The following ACOXL variants were observed in gnomAD, a reference collection of about 807,000 sequenced individuals.
ACOXL encodes acyl-coenzyme A oxidase-like protein.
In ACOXL, 70 loss-of-function variants were observed where a neutral mutation model predicts 71.9. The ratio of observed to expected loss-of-function variants is 0.97; its 90% confidence interval spans 0.80 to 1.19. ACOXL has a LOEUF of 1.19. Ranked by LOEUF, ACOXL falls within the 50% of genes most tolerant of loss-of-function variation. The pLI, the probability that ACOXL is intolerant of heterozygous loss-of-function variation, is 0.00. For synonymous variants in ACOXL, 253 were observed against 281.6 expected (o/e 0.90, Z 1.02); for missense variants, 703 against 736.3 (o/e 0.95, Z 0.52).
rs76128171 is a variant in ACOXL, at chr2:111,097,596, T to C, written c.1542+4630T>C. 2.1e-3 allele frequency among the ~76,000 whole-genome samples: 325 copies of C among 152,308 alleles called. 5 individuals carry two copies. The East Asian group carries it at 0.051, about 24-fold the overall frequency. On this transcript the variant is annotated intron_variant, in intron 17 of 17. Transcript: ENST00000439055. ...CACAAGATGAGCCTGGAGCATGTTC[T>C]GGTGTCAGAAAGTAAGAAAGTCCTT...
At chr2:110,943,035 G>GGAA (rs2060933337) in intron 12 of ACOXL, among the ~76,000 whole-genome samples, 5 of 108,984 alleles carry the variant, frequency 4.6e-5, no homozygotes, top group South Asian at 6.9e-4. Flanking sequence ...GAAGAAGGAA[G>GGAA]GAAAGAAGGA....
intron 9 of ACOXL, among the ~76,000 whole-genome samples, chr2:110,817,952 CTT>C (rs1193171202): frequency 9.5e-5 from 11 of 115,710 alleles, no homozygotes; most frequent in Admixed American, 1.8e-4. Flanking sequence ...ATGCTCCTGA[CTT>C]TTTTTTTTTT....
chr2:111,091,539 G>A (rs1430223708), intron 16 of ACOXL, among the ~76,000 whole-genome samples: 4 of 152,074 alleles, frequency 2.6e-5, no homozygotes, highest in African/African-American at 7.3e-5. Context: ...TCATGATTTG[G>A]CTTAACCACA....
chr2:111,074,552 T>G (rs900819816), intron 16 of ACOXL, among the ~76,000 whole-genome samples: 1 of 151,020 alleles, frequency 6.6e-6, no homozygotes, highest in Admixed American at 6.6e-5. Context: ...ATGATTATGG[T>G]TTTTTTTTCT....
intron 14 of ACOXL, among the ~76,000 whole-genome samples, chr2:111,011,363 T>C (rs2064146521): frequency 6.6e-6 from 1 of 152,126 alleles, no homozygotes; most frequent in African/African-American, 2.4e-5. Context: ...GGACTACAAA[T>C]AGCAGTATGA....
chr2:111,116,367 A>C (rs2070353952), intron 17 of ACOXL, among the ~76,000 whole-genome samples: 1 of 152,234 alleles, frequency 6.6e-6, no homozygotes, highest in African/African-American at 2.4e-5. Flanking sequence ...GTAATAGAGC[A>C]CATTTTCAGG....
intron 16 of ACOXL, among the ~76,000 whole-genome samples, chr2:111,060,741 C>T (rs2066773777): frequency 6.6e-6 from 1 of 152,072 alleles, no homozygotes; most frequent in African/African-American, 2.4e-5. Flanking sequence ...TATAAAAATG[C>T]TTCAATGAGT....
chr2:110,818,449 GTGTA>G (rs1162761469), intron 9 of ACOXL, among the ~76,000 whole-genome samples: 99 of 144,956 alleles, frequency 6.8e-4, no homozygotes, highest in African/African-American at 1.8e-3. Flanking sequence ...GTGTGTGTGT[GTGTA>G]TATATATATA....
intron 1 of ACOXL, among the ~76,000 whole-genome samples, chr2:110,756,785 A>G (rs910806814): frequency 2.0e-5 from 3 of 152,040 alleles, no homozygotes; most frequent in East Asian, 1.9e-4. Context: ...TCAATATTCT[A>G]TTTTATTCTA....
chr2:110,794,300 C>A, intron 5 of ACOXL, 126 bp downstream of exon 5: 1 of 847,482 alleles, frequency 1.2e-6, no homozygotes. Context: ...AGCTGAGATT[C>A]AGATCAAATG....
At chr2:111,007,814 G>C (rs767541216) in intron 14 of ACOXL, among the ~76,000 whole-genome samples, 20 of 152,210 alleles carry the variant, frequency 1.3e-4, no homozygotes, top group Non-Finnish European at 2.2e-4. Flanking sequence ...TTTGCACACA[G>C]ATCTGTATGC....
intron 14 of ACOXL, among the ~76,000 whole-genome samples, chr2:111,028,780 G>A (rs1011489222): frequency 8.5e-5 from 13 of 152,162 alleles, no homozygotes; most frequent in African/African-American, 2.9e-4. Flanking sequence ...GCTTTATCAG[G>A]AAATAGTCAT....
intron 2 of ACOXL, among the ~76,000 whole-genome samples, chr2:110,782,884 T>G (rs1683514377): frequency 6.6e-6 from 1 of 152,048 alleles, no homozygotes; most frequent in Admixed American, 6.6e-5. Flanking sequence ...CCAGAGAGGG[T>G]GACTCTCAGG....
intron 10 of ACOXL, among the ~76,000 whole-genome samples, chr2:110,900,086 T>TACACACACACACACAC (rs60758688): frequency 4.9e-5 from 7 of 143,226 alleles, no homozygotes; most frequent in Admixed American, 6.9e-5. Context: ...CACACACACA[T>TACACACACACACACAC]ACACACACAC....
intron 12 of ACOXL, among the ~76,000 whole-genome samples, chr2:110,944,864 T>C (rs2061038258): frequency 6.6e-6 from 1 of 152,238 alleles, no homozygotes; most frequent in South Asian, 2.1e-4. Flanking sequence ...ATATAACCAA[T>C]AATGAGATTT....
chr2:111,032,300 G>T (rs2065314591), intron 15 of ACOXL, among the ~76,000 whole-genome samples: 1 of 152,210 alleles, frequency 6.6e-6, no homozygotes, highest in Admixed American at 6.5e-5. Flanking sequence ...TGCGCAGTGG[G>T]TGGAGGCCAG....
chr2:110,931,094 T>C (rs1321376984), intron 11 of ACOXL, among the ~76,000 whole-genome samples: 1 of 152,244 alleles, frequency 6.6e-6, no homozygotes, highest in East Asian at 1.9e-4. Flanking sequence ...TATTTCCTAA[T>C]TTATCTTTTG....
At chr2:111,003,553 A>AAAAAAAAAC (rs2063737538) in intron 14 of ACOXL, among the ~76,000 whole-genome samples, 1 of 102,692 alleles carries the variant, frequency 9.7e-6, no homozygotes, top group Non-Finnish European at 1.7e-5. Flanking sequence ...TCTGTCTCAA[A>AAAAAAAAAC]AAAAAAAAAA....
chr2:111,059,913 AAG>A (rs944553991), intron 16 of ACOXL, among the ~76,000 whole-genome samples: 2 of 151,660 alleles, frequency 1.3e-5, no homozygotes, highest in African/African-American at 2.4e-5. Flanking sequence ...GAGGAGAAGA[AAG>A]AGTAGGAGAA....
Sources: allele counts gnomAD v4.1 joint callset (sites outside exome capture counted in the v4.1 genomes callset), GRCh38; gene constraint gnomAD v4.1.1; transcripts MANE v1.5; gene names NCBI Gene and HGNC (gene_info 2026-07-23, HGNC 2026-07-21).